Variants in ERC2 observed in about 807,000 individuals in gnomAD.
ERC2 encodes the protein ELKS/RAB6-interacting/CAST family member 2.
ERC2 carries 42 observed loss-of-function variants against 114.8 expected under a neutral mutation model. The observed-to-expected ratio is 0.37, with a 90% confidence interval of 0.29 to 0.47. The LOEUF (loss-of-function observed/expected upper bound fraction) is 0.47, where lower values mean the gene tolerates loss of function less well. ERC2 is among the 20% of genes least tolerant of loss of function. The pLI is 0.99. For missense variants in ERC2, 939 were observed against 1,150.7 expected, an observed-to-expected ratio of 0.82 and a Z score of 2.66; for synonymous variants, 454 against 425.5, an observed-to-expected ratio of 1.07 and a Z score of -0.82.
intron 14 of ERC2, among the ~76,000 whole-genome samples, chr3:55,833,427 A>G (rs1240916174): frequency 5.9e-5 from 9 of 152,062 alleles, no homozygotes; most frequent in Non-Finnish European, 8.8e-5. Context: ...GAAACTCTAC[A>G]AGCCAGAAGA....
intron 14 of ERC2, among the ~76,000 whole-genome samples, chr3:55,820,647 T>A (rs953053986): frequency 6.6e-6 from 1 of 152,132 alleles, no homozygotes; most frequent in Non-Finnish European, 1.5e-5. Flanking sequence ...TCAGGTAGCA[T>A]ACCCAAGGTT....
intron 2 of ERC2, among the ~76,000 whole-genome samples, chr3:56,307,965 A>G (rs555447542): frequency 6.6e-6 from 1 of 152,280 alleles, no homozygotes. Flanking sequence ...GGCACAAGGG[A>G]ACAATTTCAG....
At chr3:56,370,494 A>G (rs887991524) in intron 2 of ERC2, among the ~76,000 whole-genome samples, 12 of 151,678 alleles carry the variant, frequency 7.9e-5, no homozygotes, top group African/African-American at 2.4e-4. Context: ...GTTGATCCTC[A>G]TGGCCTATGG....
intron 5 of ERC2, among the ~76,000 whole-genome samples, chr3:56,146,277 AC>A (rs776920944): frequency 6.6e-6 from 1 of 152,120 alleles, no homozygotes; most frequent in Non-Finnish European, 1.5e-5. Context: ...ACAGAGTGAG[AC>A]CCTGCCTCAA....
intron 16 of ERC2, among the ~76,000 whole-genome samples, chr3:55,686,782 C>T (rs2062355975): frequency 6.6e-6 from 1 of 152,172 alleles, no homozygotes; most frequent in Non-Finnish European, 1.5e-5. Context: ...AGTGGCTGTT[C>T]TGAATGCTGC....
intron 7 of ERC2, among the ~76,000 whole-genome samples, chr3:56,062,820 T>A (rs1001347869): frequency 2.0e-5 from 3 of 152,130 alleles, no homozygotes; most frequent in Non-Finnish European, 4.4e-5. Context: ...TCACCTGGGG[T>A]AATGCATTTG....
chr3:56,425,073 G>C (rs148300183), intron 2 of ERC2, among the ~76,000 whole-genome samples: 117 of 152,266 alleles, frequency 7.7e-4, no homozygotes, highest in African/African-American at 2.6e-3. Flanking sequence ...ATTGACATCT[G>C]TTTTTGTCTT....
intron 6 of ERC2, among the ~76,000 whole-genome samples, chr3:56,086,586 T>A (rs901510561): frequency 1.3e-5 from 2 of 151,584 alleles, no homozygotes; most frequent in South Asian, 4.2e-4. Flanking sequence ...TATGACATCA[T>A]CTCTAAAACC....
intron 7 of ERC2, among the ~76,000 whole-genome samples, chr3:56,031,138 C>T (rs1218691620): frequency 2.6e-5 from 4 of 152,216 alleles, no homozygotes; most frequent in Non-Finnish European, 5.9e-5. Flanking sequence ...GACCCAGGCA[C>T]CAGGCCTGCC....
At chr3:55,595,921 C>T (rs1048770196) in intron 17 of ERC2, among the ~76,000 whole-genome samples, 1 of 152,156 alleles carries the variant, frequency 6.6e-6, no homozygotes, top group African/African-American at 2.4e-5. Context: ...ATCATAGTGA[C>T]CATGCTCTGC....
chr3:56,193,447 C>A (rs2047912932), intron 3 of ERC2, among the ~76,000 whole-genome samples: 1 of 151,016 alleles, frequency 6.6e-6, no homozygotes, highest in South Asian at 2.1e-4. Flanking sequence ...GCAGAGGTTG[C>A]AGTGAGCCAA....
At chr3:56,229,903 G>A (rs188938844) in intron 3 of ERC2, among the ~76,000 whole-genome samples, 8 of 112,614 alleles carry the variant, frequency 7.1e-5, no homozygotes, top group Non-Finnish European at 4.9e-5. Context: ...ATGGAGTCTC[G>A]CTCTGTCGCT....
At chr3:56,248,924 T>G (rs2051913260) in intron 3 of ERC2, among the ~76,000 whole-genome samples, 1 of 152,244 alleles carries the variant, frequency 6.6e-6, no homozygotes, top group African/African-American at 2.4e-5. Context: ...TTATGTTATT[T>G]ATTTTCATGA....
chr3:56,004,771 T>G (rs1219612326), intron 10 of ERC2, among the ~76,000 whole-genome samples: 1 of 152,040 alleles, frequency 6.6e-6, no homozygotes, highest in African/African-American at 2.4e-5. Flanking sequence ...TATGACATAA[T>G]AAAACTATTA....
chr3:55,558,870 A>G (rs1019793670), intron 17 of ERC2, among the ~76,000 whole-genome samples: 3 of 152,206 alleles, frequency 2.0e-5, no homozygotes, highest in Non-Finnish European at 2.9e-5. Flanking sequence ...CTTTTGATCC[A>G]TCATTATTCT....
chr3:56,339,456 C>T (rs958696396), intron 2 of ERC2, among the ~76,000 whole-genome samples: 4 of 151,950 alleles, frequency 2.6e-5, no homozygotes, highest in African/African-American at 7.3e-5. Flanking sequence ...TGCTGAAGTG[C>T]GGTGTGGCTG....
chr3:55,555,789 A>G (rs915736435), intron 17 of ERC2, among the ~76,000 whole-genome samples: 1 of 152,202 alleles, frequency 6.6e-6, no homozygotes, highest in Non-Finnish European at 1.5e-5. Context: ...GCTCAGCTCT[A>G]GAGTGTCTCC....
At chr3:55,511,476 G>C (rs894010567) in intron 17 of ERC2, among the ~76,000 whole-genome samples, 200 bp from the exon 18 acceptor site, 1 of 152,130 alleles carries the variant, frequency 6.6e-6, no homozygotes, top group African/African-American at 2.4e-5. Flanking sequence ...GATAAACTAC[G>C]TCCTGCAAGT....
chr3:55,608,997 T>C (rs746069624), intron 17 of ERC2, among the ~76,000 whole-genome samples: 2 of 152,242 alleles, frequency 1.3e-5, no homozygotes, highest in African/African-American at 4.8e-5. Context: ...ATCCTTCCCA[T>C]ATCCCAAGAT....
Sources: gnomAD v4.1 joint callset for allele counts (sites outside exome capture counted in the v4.1 genomes callset) on GRCh38, gnomAD v4.1.1 for gene constraint, MANE v1.5 for transcripts, NCBI Gene and HGNC (gene_info 2026-07-23, HGNC 2026-07-21) for gene names.